Variants in NPNT observed in about 807,000 individuals in gnomAD.
NPNT encodes nephronectin.
NPNT carries 45 observed loss-of-function variants against 68.6 expected under a neutral mutation model. The observed-to-expected ratio is 0.66, with a 90% CI of 0.52 to 0.84. The LOEUF (loss-of-function observed/expected upper bound fraction) is 0.84. NPNT is among the 40% of genes least tolerant of loss of function. The probability of loss-of-function intolerance (pLI) is 0.00; values close to 1 mark genes in which losing one functional copy is unlikely to be tolerated. For missense variants in NPNT, 672 were observed against 714.8 expected (o/e 0.94, Z 0.68); for synonymous variants, 233 against 253.3 (o/e 0.92, Z 0.76).
At chr4:105,909,634 T>C (rs1354339013) in intron 2 of NPNT, among the ~76,000 whole-genome samples, 1 of 152,184 alleles carries the variant, frequency 6.6e-6, no homozygotes, top group Non-Finnish European at 1.5e-5. Flanking sequence ...TCCTGGATGT[T>C]GGTGTTATAA....
intron 3 of NPNT, chr4:105,929,335 A>T (rs573213192): frequency 6.6e-6 from 1 of 152,352 alleles, no homozygotes; most frequent in East Asian, 1.9e-4. Flanking sequence ...TGAAATCCAC[A>T]CTAGCAAAAA....
intron 10 of NPNT, among the ~76,000 whole-genome samples, chr4:105,964,277 A>G (rs1012953020): frequency 6.6e-6 from 1 of 152,206 alleles, no homozygotes; most frequent in South Asian, 2.1e-4. Flanking sequence ...ATGTACCACA[A>G]TGTATTTAGC....
intron 2 of NPNT, among the ~76,000 whole-genome samples, chr4:105,909,375 G>T (rs1176418082): frequency 6.6e-6 from 1 of 152,108 alleles, no homozygotes; most frequent in East Asian, 1.9e-4. Context: ...GTATGGCCAA[G>T]AATTAAGACA....
intron 2 of NPNT, among the ~76,000 whole-genome samples, chr4:105,924,442 C>G (rs913984203): frequency 6.6e-6 from 1 of 152,162 alleles, no homozygotes; most frequent in Non-Finnish European, 1.5e-5. Context: ...ATTGTATCAA[C>G]TTTATGAGTA....
In NPNT at chr4:105,968,969, C is replaced by T; in HGVS notation, c.1677C>T (p.Gly559=). The part of the protein sequence containing the change: ...IGLDDVSLKK[G]HCSEER ...TAGATGATGTGAGCTTGAAAAAAGG[C>T]CACTGCTCTGAAGAACGCTAACAAC... Residue 559 remains glycine, a synonymous_variant, in exon 12 of 12, where the codon GGC becomes GGT. Coordinates refer to ENST00000379987, the MANE Select transcript of NPNT (RefSeq NM_001033047.3). 6.2e-7 allele frequency: 1 copy of T among 1,608,658 alleles called. No individual in the cohort carries two copies. Among genetic ancestry groups the T allele is most frequent in the Non-Finnish European group, 8.5e-7 (1 of 1,175,350 alleles).
rs764592815 is a variant in NPNT, at chr4:105,940,534, G to C, written c.661G>C (p.Gly221Arg). 1 of 1,612,840 alleles carries C rather than the reference G, an allele frequency of 6.2e-7. No homozygotes were observed. Among genetic ancestry groups the C allele is most frequent in the Non-Finnish European group, 8.5e-7 (1 of 1,179,092 alleles). Residue 221 changes from glycine (G) to arginine (R), a missense_variant, in exon 7 of 12, where the codon GGT (glycine) becomes CGT (arginine). Gly to Arg is a moderately radical substitution (Grantham distance 125, BLOSUM62 -2). Transcript: ENST00000379987. The part of the protein sequence containing the change: ...QCHDIDECSL[G>R]QYQCSSFARC... ...TGCAGACATAGACGAATGCTCACTT[G>C]GTCAGTATCAGTGCAGCAGCTTTGC...
At position 105,940,160 on chromosome 4, in the gene NPNT, T is replaced by G. The variant is rs756795107; in HGVS notation, c.591T>G (p.Cys197Trp). 1 of 1,613,146 alleles carries G rather than the reference T, an allele frequency of 6.2e-7. No homozygotes were observed. Among genetic ancestry groups the G allele is most frequent in the South Asian group, 1.1e-5 (1 of 91,070 alleles). ...CTTTTGGGAGCTACATCTGCAAGTG[T>G]CATAAAGGCTTCGATCTCATGTATA... Reference protein sequence around the residue: ...VNTFGSYICKCHKGFDLMYIG... With the variant: ...VNTFGSYICKWHKGFDLMYIG... The change falls in exon 6 of 12, where the codon TGT becomes TGG. Residue 197 changes from cysteine (C) to tryptophan (W), a missense_variant. By Grantham distance (215) the Cys-to-Trp change is radical. Coordinates refer to ENST00000379987, the MANE Select transcript of NPNT (RefSeq NM_001033047.3).
At chr4:105,914,343 T>G (rs1477623021) in intron 2 of NPNT, among the ~76,000 whole-genome samples, 4 of 138,824 alleles carry the variant, frequency 2.9e-5, no homozygotes, top group Admixed American at 1.5e-4. Context: ...TAGCTGGCTC[T>G]CTCTCTCCAT....
chr4:105,922,491 G>A (rs1224005222), intron 2 of NPNT, among the ~76,000 whole-genome samples: 1 of 151,112 alleles, frequency 6.6e-6, no homozygotes, highest in Non-Finnish European at 1.5e-5. Flanking sequence ...AGGTTGAAAT[G>A]ATTCTGCCTC....
chr4:105,958,241 G>C (rs1731394485), intron 8 of NPNT, among the ~76,000 whole-genome samples: 1 of 152,024 alleles, frequency 6.6e-6, no homozygotes, highest in Admixed American at 6.6e-5. Flanking sequence ...TTGAATTTTA[G>C]AAACTTTTGA....
intron 2 of NPNT, among the ~76,000 whole-genome samples, chr4:105,911,063 T>C (rs560151579): frequency 6.6e-6 from 1 of 152,266 alleles, no homozygotes; most frequent in East Asian, 1.9e-4. Flanking sequence ...ATAACTTGTG[T>C]GATCCAGAAT....
chr4:105,966,258 C>G (rs1732124291), intron 10 of NPNT, among the ~76,000 whole-genome samples: 1 of 152,134 alleles, frequency 6.6e-6, no homozygotes, highest in South Asian at 2.1e-4. Context: ...GTACATGGAT[C>G]AAGTTTCAAA....
At chr4:105,960,392 A>G (rs1207312485) in intron 10 of NPNT, among the ~76,000 whole-genome samples, 3 of 152,240 alleles carry the variant, frequency 2.0e-5, no homozygotes, top group African/African-American at 7.2e-5. Context: ...TCATTAAAAT[A>G]CAGATTTTCA....
intron 2 of NPNT, among the ~76,000 whole-genome samples, chr4:105,924,630 G>A (rs1038060917): frequency 5.7e-4 from 87 of 152,034 alleles, no homozygotes; most frequent in African/African-American, 2.1e-3. Flanking sequence ...TCAAGATTAG[G>A]GCACTCTGCT....
At chr4:105,950,570 T>G (rs2149389078) in intron 8 of NPNT, among the ~76,000 whole-genome samples, 1 of 152,272 alleles carries the variant, frequency 6.6e-6, no homozygotes, top group South Asian at 2.1e-4. Context: ...CCTGAGTAGC[T>G]GGGATTACAG....
chr4:105,917,522 G>T (rs1016618351), intron 2 of NPNT, among the ~76,000 whole-genome samples: 1 of 152,116 alleles, frequency 6.6e-6, no homozygotes. Flanking sequence ...TAGTGAAGGA[G>T]CTAGATAAGA....
chr4:105,958,592 A>G (rs765502779), intron 9 of NPNT, 35 bp downstream of exon 9: 1 of 1,170,984 alleles, frequency 8.5e-7, no homozygotes, highest in South Asian at 1.5e-5. Flanking sequence ...TCATAATGAC[A>G]TTTTATTGTT....
At chr4:105,947,959 G>A (rs1730518516) in intron 8 of NPNT, among the ~76,000 whole-genome samples, 1 of 151,984 alleles carries the variant, frequency 6.6e-6, no homozygotes, top group South Asian at 2.1e-4. Flanking sequence ...CCACATAGTG[G>A]GCAGTCAAAA....
chr4:105,936,889 C>A, intron 3 of NPNT, 120 bp from the exon 4 acceptor site: 1 of 943,376 alleles, frequency 1.1e-6, no homozygotes, highest in Non-Finnish European at 1.5e-6. Context: ...ATGTAAATGA[C>A]AGTTACTGTA....
Sources: allele counts gnomAD v4.1 joint callset (sites outside exome capture counted in the v4.1 genomes callset), GRCh38; gene constraint gnomAD v4.1.1; transcripts MANE v1.5; gene names NCBI Gene and HGNC (gene_info 2026-07-23, HGNC 2026-07-21).